NR2C2: variants seen among roughly 807,000 people sequenced by gnomAD.
NR2C2 encodes the protein nuclear receptor subfamily 2 group C member 2.
NR2C2 carries 6 observed loss-of-function variants against 62.9 expected under a neutral mutation model. The observed-to-expected ratio is 0.10, with a 90% CI of 0.05 to 0.19. NR2C2 has a LOEUF of 0.19. Among genes scored for constraint, NR2C2 ranks in the 10% least tolerant of loss-of-function variants. NR2C2 has a pLI of 1.00. For synonymous variants in NR2C2, 272 were observed against 273.8 expected, an observed-to-expected ratio of 0.99 and a Z score of 0.07; for missense variants, 479 against 762.7, an observed-to-expected ratio of 0.63 and a Z score of 4.38.
rs149009663 is a variant in NR2C2 at position 15,043,134 on chromosome 3, C to T, written c.*126C>T. The T allele has an allele frequency of 8.3e-5, 71 of 850,428 alleles. No individual in the cohort carries two copies. The African/African-American group carries it at 1.1e-3, about 13-fold the overall frequency. 52.7% of individuals were successfully genotyped at this position (850,428 alleles called of 1,614,324 possible). A position where few individuals can be genotyped will look rare whatever the true frequency, so the allele number is the denominator to read the frequency against. ...GTTAGCCATTTCCTGTCTGGTTTCT[C>T]CTTATCTGTTAATCCCAGACAATAG... On this transcript the variant is annotated 3_prime_UTR_variant, in exon 14 of 14. Transcript: ENST00000425241.
At chr3:15,038,199 G>T in intron 12 of NR2C2, 62 bp downstream of exon 12, 1 of 1,500,142 alleles carries the variant, frequency 6.7e-7, no homozygotes, top group Non-Finnish European at 9.0e-7. Flanking sequence ...GTTTCTGAAC[G>T]TGAACATGTT....
chr3:14,951,814 C>T (rs1202657362), intron 1 of NR2C2, among the ~76,000 whole-genome samples: 1 of 151,892 alleles, frequency 6.6e-6, no homozygotes, highest in Non-Finnish European at 1.5e-5. Flanking sequence ...GTGGTGCGAT[C>T]TCGGCTCACT....
chr3:14,981,300 CTA>C (rs1240218598), intron 1 of NR2C2, among the ~76,000 whole-genome samples: 1 of 152,062 alleles, frequency 6.6e-6, no homozygotes, highest in African/African-American at 2.4e-5. Flanking sequence ...AACCTTGTCT[CTA>C]TGAAAATATT....
At chr3:14,954,493 C>T (rs1306576329) in intron 1 of NR2C2, among the ~76,000 whole-genome samples, 9 of 152,050 alleles carry the variant, frequency 5.9e-5, no homozygotes, top group Non-Finnish European at 2.9e-5. Flanking sequence ...TGTTCATCAG[C>T]TATAGAATGG....
At chr3:15,031,027 G>T (rs968173432) in intron 9 of NR2C2, among the ~76,000 whole-genome samples, 2 of 152,162 alleles carry the variant, frequency 1.3e-5, no homozygotes, top group Non-Finnish European at 2.9e-5. Context: ...TACTAAGACA[G>T]GCTGACATAG....
In NR2C2 at chr3:14,995,668, C is replaced by CGTGTGTGTGTGTGTGTGTGTGTGT. The variant is rs58878848; in HGVS notation, c.-39-8207_-39-8184dup. On this transcript the variant is annotated intron_variant, in intron 1 of 13. Coordinates refer to ENST00000425241, the MANE Select transcript of NR2C2 (RefSeq NM_001291694.2). ...TTTTTCTGTGGACACGTTTTCATTA[C>CGTGTGTGTGTGTGTGTGTGTGTGT]GTGTGTGTGTGTGTGTGTGTGTGTA... Among the ~76,000 whole-genome samples the CGTGTGTGTGTGTGTGTGTGTGTGT allele has an allele frequency of 2.0e-3, 295 of 148,620 alleles. 1 individual carries two copies. The highest frequency in any genetic ancestry group is 6.0e-3 in the African/African-American group (243 of 40,176).
In NR2C2 at chr3:15,046,970, C is replaced by G. The variant is rs1234912760; in HGVS notation, c.*3962C>G. 5 of 152,670 alleles carry G rather than the reference C, an allele frequency of 3.3e-5. No individual in the cohort carries two copies. The highest frequency in any genetic ancestry group is 7.3e-5 in the Non-Finnish European group (5 of 68,048). 9.5% of individuals were successfully genotyped at this position (152,670 alleles called of 1,614,324 possible). A position where few individuals can be genotyped will look rare whatever the true frequency, so the allele number is the denominator to read the frequency against. On this transcript the variant is annotated 3_prime_UTR_variant, in exon 14 of 14. Coordinates refer to ENST00000425241, the MANE Select transcript of NR2C2 (RefSeq NM_001291694.2). ...GGACCTTCTCATTGTGTGCCTCCCA[C>G]CAGCGTGCACTTCGTATGTCCAGCC... is the stretch of plus-strand genomic sequence containing the variant.
rs1009341035 is a variant in NR2C2, at chr3:15,044,432, C to T, written c.*1424C>T. 6.6e-6 allele frequency: 1 copy of T among 152,076 alleles called. No individual in the cohort carries two copies. Among genetic ancestry groups the T allele is most frequent in the African/African-American group, 2.4e-5 (1 of 41,380 alleles). The allele number at this position is 152,076 out of a possible 1,614,324, so 9.4% of individuals were successfully genotyped here. ...CTTTCTCCTCATAAATTGTAGCAAC[C>T]AGAGTTTACAGCAAGAACAGTATGC... On this transcript the variant is annotated 3_prime_UTR_variant, in exon 14 of 14. Coordinates refer to ENST00000425241, the MANE Select transcript of NR2C2 (RefSeq NM_001291694.2).
rs895708654 is a variant in NR2C2, at chr3:15,043,658, G to A, written c.*650G>A. ...TGGAAACGTGGCTCATTTGCATCAT[G>A]CAGTAAGTGGGAGTGTGGTAGCACA... On this transcript the variant is annotated 3_prime_UTR_variant, in exon 14 of 14. Transcript: ENST00000425241. 3 of 152,544 alleles carry A rather than the reference G, an allele frequency of 2.0e-5. No homozygotes were observed. Among genetic ancestry groups the A allele is most frequent in the Non-Finnish European group, 4.4e-5 (3 of 68,074 alleles). The allele number at this position is 152,544 out of a possible 1,614,324, so 9.4% of individuals were successfully genotyped here. A position where few individuals can be genotyped will look rare whatever the true frequency, so the allele number is the denominator to read the frequency against.
At chr3:15,001,355 A>G (rs541904735) in intron 1 of NR2C2, among the ~76,000 whole-genome samples, 11 of 110,570 alleles carry the variant, frequency 9.9e-5, no homozygotes, top group Non-Finnish European at 1.5e-4. Flanking sequence ...TTTTTTGGAG[A>G]CAGAGTTTCA....
intron 1 of NR2C2, among the ~76,000 whole-genome samples, chr3:14,987,735 T>G (rs2040549866): frequency 6.6e-6 from 1 of 152,224 alleles, no homozygotes; most frequent in Non-Finnish European, 1.5e-5. Flanking sequence ...TGCTGTTGTG[T>G]TCCCAGTGCC....
chr3:15,013,788 A>G lies in NR2C2; in HGVS notation c.272A>G (p.Gln91Arg), dbSNP rs1323376471. 1 of 1,614,122 alleles carries G rather than the reference A, an allele frequency of 6.2e-7. No individual in the cohort carries two copies. Among genetic ancestry groups the G allele is most frequent in the Non-Finnish European group, 8.5e-7 (1 of 1,179,962 alleles). Residue 91 changes from glutamine to arginine, a missense_variant and splice_region_variant, in exon 3 of 14, where the codon CAG becomes CGG. By Grantham distance (43) the Gln-to-Arg change is conservative. This residue lies in a region of NR2C2 where 115 missense variants were observed against 152.3 expected (regional missense o/e 0.76). Coordinates refer to ENST00000425241, the MANE Select transcript of NR2C2 (RefSeq NM_001291694.2). ...TSDNLVPGRI[Q>R]IVTDSASVER... ...GACAACCTCGTCCCTGGCAGGATCCAGGTAAGGCCTTTGGACAGGTATTTG... is the reference window on the plus strand; with the variant it reads ...GACAACCTCGTCCCTGGCAGGATCCGGGTAAGGCCTTTGGACAGGTATTTG...
chr3:15,013,029 G>T (rs1329943918), intron 2 of NR2C2, among the ~76,000 whole-genome samples: 1 of 152,192 alleles, frequency 6.6e-6, no homozygotes, highest in Non-Finnish European at 1.5e-5. Context: ...CAGTGAATCA[G>T]ATGTAGTCTC....
At chr3:14,980,283 T>C (rs2040327627) in intron 1 of NR2C2, among the ~76,000 whole-genome samples, 1 of 150,402 alleles carries the variant, frequency 6.6e-6, no homozygotes, top group Admixed American at 6.7e-5. Flanking sequence ...TCCAAGGAGC[T>C]AGGATTACAG....
chr3:15,045,517 CTTGG>C lies in NR2C2; in HGVS notation c.*2516_*2519del, dbSNP rs2042418265. On this transcript the variant is annotated 3_prime_UTR_variant, in exon 14 of 14. Coordinates refer to ENST00000425241, the MANE Select transcript of NR2C2 (RefSeq NM_001291694.2). ...GGACTGTTTTGGGCTTTGAACACCT[CTTGG>C]TTGGTTTCTGAGATCCTCTTGGCCT... 3 of 152,646 alleles carry C rather than the reference CTTGG, an allele frequency of 2.0e-5. No homozygotes were observed. Among genetic ancestry groups the C allele is most frequent in the Non-Finnish European group, 2.9e-5 (2 of 68,054 alleles). The allele number at this position is 152,646 out of a possible 1,614,324, so 9.5% of individuals were successfully genotyped here.
intron 13 of NR2C2, among the ~76,000 whole-genome samples, chr3:15,040,152 T>C (rs2042215560): frequency 6.7e-6 from 1 of 149,190 alleles, no homozygotes; most frequent in Non-Finnish European, 1.5e-5. Context: ...AGAGTGAGAC[T>C]CCTTCTCAAA....
intron 10 of NR2C2, among the ~76,000 whole-genome samples, chr3:15,034,016 G>C (rs972503270): frequency 2.6e-5 from 4 of 152,180 alleles, no homozygotes; most frequent in East Asian, 1.9e-4. Context: ...AAACAGCTTT[G>C]TCAAGACAGC....
chr3:15,028,456 G>C (rs779815099), intron 7 of NR2C2, 130 bp from the exon 8 acceptor site: 5 of 720,496 alleles, frequency 6.9e-6, no homozygotes, highest in Non-Finnish European at 1.1e-5. Flanking sequence ...GATCTTCCTC[G>C]TGTTGCCCCT....
intron 11 of NR2C2, among the ~76,000 whole-genome samples, chr3:15,035,856 G>A (rs542889875): frequency 4.6e-5 from 7 of 152,314 alleles, no homozygotes; most frequent in Admixed American, 1.3e-4. Context: ...GCGAAACCTC[G>A]TCTCTACTAA....
Sources: gnomAD v4.1 joint callset for allele counts (sites outside exome capture counted in the v4.1 genomes callset) on GRCh38, gnomAD v4.1.1 for gene constraint, gnomAD v4.1.1 regional missense constraint, MANE v1.5 for transcripts, NCBI Gene and HGNC (gene_info 2026-07-23, HGNC 2026-07-21) for gene names.